Variants in NCALD observed in about 807,000 individuals in gnomAD.
NCALD encodes neurocalcin delta.
In NCALD, 10 loss-of-function variants were observed where a neutral mutation model predicts 18.6. That is an observed-to-expected ratio of 0.54 (90% CI 0.33 to 0.91). The LOEUF is 0.91. Ranked by LOEUF, NCALD falls within the 40% of genes least tolerant of loss-of-function variation. NCALD has a pLI of 0.03. For missense variants in NCALD, 184 were observed against 247.6 expected, an observed-to-expected ratio of 0.74 and a Z score of 1.72; for synonymous variants, 88 against 87.4, an observed-to-expected ratio of 1.01 and a Z score of -0.04.
chr8:101,737,352 G>A (rs903949144), intron 1 of NCALD, among the ~76,000 whole-genome samples: 1 of 152,178 alleles, frequency 6.6e-6, no homozygotes, highest in Non-Finnish European at 1.5e-5. Context: ...AGCCTTCACT[G>A]TCTTCACTGT....
At chr8:101,784,449 A>T (rs1339043831) in intron 1 of NCALD, among the ~76,000 whole-genome samples, 1 of 152,146 alleles carries the variant, frequency 6.6e-6, no homozygotes, top group East Asian at 1.9e-4. Context: ...AAGCCCATTT[A>T]GGTTCAAAGG....
intron 1 of NCALD, among the ~76,000 whole-genome samples, chr8:102,072,801 C>A (rs1436770894): frequency 1.3e-5 from 2 of 152,082 alleles, no homozygotes; most frequent in African/African-American, 4.8e-5. Context: ...AACCATGGGA[C>A]ACCATTCGAA....
chr8:101,871,870 G>C, intron 4 of NCALD: 5 of 624,152 alleles, frequency 8.0e-6, no homozygotes, highest in Non-Finnish European at 1.2e-5. Context: ...CATGGGGACA[G>C]AGCTCTGCAC....
chr8:101,815,206 G>C (rs1813447462), intron 4 of NCALD, among the ~76,000 whole-genome samples: 1 of 152,102 alleles, frequency 6.6e-6, no homozygotes, highest in Non-Finnish European at 1.5e-5. Flanking sequence ...GACATTACTT[G>C]ACTTCAAGTC....
At chr8:101,901,024 A>G (rs974072097) in intron 3 of NCALD, among the ~76,000 whole-genome samples, 1 of 151,782 alleles carries the variant, frequency 6.6e-6, no homozygotes, top group Non-Finnish European at 1.5e-5. Context: ...TTGGGTATAT[A>G]TTTAGGGTTT....
chr8:101,696,585 G>T (rs1264067978), intron 2 of NCALD, among the ~76,000 whole-genome samples: 1 of 152,214 alleles, frequency 6.6e-6, no homozygotes, highest in Non-Finnish European at 1.5e-5. Context: ...TCTAGAGCAA[G>T]CAGGGAAAGA....
chr8:102,027,705 G>A (rs1021740085), intron 1 of NCALD, among the ~76,000 whole-genome samples: 22 of 152,162 alleles, frequency 1.4e-4, no homozygotes, highest in Admixed American at 2.0e-4. Context: ...TCATGGTGCT[G>A]TAAGGACATA....
At chr8:101,971,942 G>A (rs1261652702) in intron 2 of NCALD, among the ~76,000 whole-genome samples, 1 of 152,156 alleles carries the variant, frequency 6.6e-6, no homozygotes, top group Non-Finnish European at 1.5e-5. Flanking sequence ...ATGACTTGTA[G>A]AAAGTCATGC....
At chr8:101,955,777 G>A (rs1211193249) in intron 2 of NCALD, among the ~76,000 whole-genome samples, 2 of 152,158 alleles carry the variant, frequency 1.3e-5, no homozygotes, top group Admixed American at 6.5e-5. Context: ...AATAGTTATA[G>A]AAGATATTGA....
At chr8:101,997,724 CAGA>C (rs754593890) in intron 2 of NCALD, among the ~76,000 whole-genome samples, 7 of 152,184 alleles carry the variant, frequency 4.6e-5, no homozygotes, top group Non-Finnish European at 7.3e-5. Context: ...AGCCTCGCAG[CAGA>C]AGTTCTTAAA....
chr8:102,087,508 C>T (rs1179430586), intron 1 of NCALD, among the ~76,000 whole-genome samples: 1 of 152,060 alleles, frequency 6.6e-6, no homozygotes, highest in African/African-American at 2.4e-5. Context: ...GGGTTAAAGG[C>T]CCCTCTTAAT....
intron 1 of NCALD, among the ~76,000 whole-genome samples, chr8:102,062,857 A>G (rs184324010): frequency 1.0e-3 from 155 of 152,312 alleles, no homozygotes; most frequent in African/African-American, 3.6e-3. Flanking sequence ...AGCAAGTCAC[A>G]TGGCCAAGCC....
rs34321706 is a variant in NCALD at position 101,967,840 on chromosome 8, G to GACACACACACAC, written c.-156-51994_-156-51983dup. Among the ~76,000 whole-genome samples, 247 of 147,900 alleles carry GACACACACACAC rather than the reference G, an allele frequency of 1.7e-3. 2 individuals are homozygous for GACACACACACAC. Among genetic ancestry groups the GACACACACACAC allele is most frequent in the African/African-American group, 5.8e-3 (235 of 40,464 alleles). Reference sequence around the variant, plus strand: ...GCTTGTTGACACAGCTCTTAAAATTGACACACACACACACACACACACACA... The same window carrying GACACACACACAC: ...GCTTGTTGACACAGCTCTTAAAATTGACACACACACACACACACACACACACACACACACACA... On this transcript the variant is annotated intron_variant, in intron 2 of 6. Coordinates refer to the NCALD transcript ENST00000311028.
intron 1 of NCALD, among the ~76,000 whole-genome samples, chr8:102,041,241 A>C (rs1563566693): frequency 6.6e-6 from 1 of 152,144 alleles, no homozygotes; most frequent in Admixed American, 6.6e-5. Context: ...CTATCTTATC[A>C]AGTATTTCCA....
At chr8:101,729,084 C>T (rs777395197) in intron 1 of NCALD, among the ~76,000 whole-genome samples, 2 of 152,184 alleles carry the variant, frequency 1.3e-5, no homozygotes, top group African/African-American at 2.4e-5. Context: ...ACTAAAATCC[C>T]ACAAATTCAT....
intron 1 of NCALD, among the ~76,000 whole-genome samples, chr8:101,746,376 C>T (rs530063447): frequency 2.0e-5 from 3 of 152,072 alleles, no homozygotes; most frequent in South Asian, 2.1e-4. Context: ...TGAGGTACTG[C>T]ATGTACAAGT....
intron 1 of NCALD, among the ~76,000 whole-genome samples, chr8:101,783,165 G>A (rs1485552283): frequency 2.6e-5 from 4 of 152,192 alleles, no homozygotes; most frequent in Non-Finnish European, 5.9e-5. Context: ...TCACTGTACA[G>A]AGTTAACAAA....
intron 1 of NCALD, among the ~76,000 whole-genome samples, chr8:102,081,545 T>TTAAA (rs1327449170): frequency 1.5e-5 from 1 of 68,704 alleles, no homozygotes; most frequent in African/African-American, 8.0e-5. Context: ...CAAATAATGG[T>TTAAA]AAAAAAAAAA....
At chr8:101,993,471 T>A (rs1056618123) in intron 2 of NCALD, among the ~76,000 whole-genome samples, 64 of 152,342 alleles carry the variant, frequency 4.2e-4, no homozygotes, top group African/African-American at 1.5e-3. Context: ...CAGTAGGACC[T>A]GGAGTTTCAG....
Sources: gnomAD v4.1 joint callset for allele counts (sites outside exome capture counted in the v4.1 genomes callset) on GRCh38, gnomAD v4.1.1 for gene constraint, MANE v1.5 for transcripts, NCBI Gene and HGNC (gene_info 2026-07-23, HGNC 2026-07-21) for gene names.